Variants in MAN2A1 observed in about 807,000 individuals in gnomAD.
MAN2A1 encodes mannosidase alpha class 2A member 1, also known as alpha-mannosidase 2.
A neutral mutation model predicts 142.6 loss-of-function variants in MAN2A1; 76 were observed. The observed-to-expected ratio is 0.53, with a 90% confidence interval of 0.44 to 0.65. The LOEUF (loss-of-function observed/expected upper bound fraction) is 0.65, where lower values mean the gene tolerates loss of function less well. Ranked by LOEUF, MAN2A1 falls within the 30% of genes least tolerant of loss-of-function variation. MAN2A1 has a pLI of 0.00. For missense variants in MAN2A1, 1,311 were observed against 1,365.1 expected (o/e 0.96, Z 0.62); for synonymous variants, 559 against 473.2 (o/e 1.18, Z -2.35).
At chr5:109,752,539 C>A (rs183261365) in intron 4 of MAN2A1, among the ~76,000 whole-genome samples, 30 of 150,742 alleles carry the variant, frequency 2.0e-4, no homozygotes, top group Non-Finnish European at 4.0e-4. Flanking sequence ...GAGTGGAGAT[C>A]TGACAATGAA....
chr5:109,691,840 A>G (rs1350545741), intron 1 of MAN2A1, among the ~76,000 whole-genome samples: 1 of 152,212 alleles, frequency 6.6e-6, no homozygotes, highest in Non-Finnish European at 1.5e-5. Flanking sequence ...GGCATCTTTA[A>G]ATCTTGAGCT....
intron 5 of MAN2A1, among the ~76,000 whole-genome samples, chr5:109,762,320 T>C (rs3797690): frequency 0.18 from 26,656 of 152,150 alleles, 3,291 homozygotes; most frequent in East Asian, 0.64. Flanking sequence ...AAAAGGTATT[T>C]TGTGTTTCTT....
intron 5 of MAN2A1, 31 bp from the exon 6 acceptor site, chr5:109,767,504 A>G (rs769777224): frequency 6.3e-7 from 1 of 1,584,194 alleles, no homozygotes; most frequent in Non-Finnish European, 8.6e-7. Flanking sequence ...TATCAATTAA[A>G]AAAATTAACA....
chr5:109,817,205 C>CATGTAT, intron 12 of MAN2A1, 68 bp from the exon 13 acceptor site: 2 of 1,289,822 alleles, frequency 1.6e-6, no homozygotes, highest in East Asian at 2.3e-5. Context: ...TGTATATCTA[C>CATGTAT]ATGTATATGT....
At chr5:109,853,871 A>AT (rs1185089675) in intron 19 of MAN2A1, 1 of 152,004 alleles carries the variant, frequency 6.6e-6, no homozygotes, top group East Asian at 1.9e-4. Flanking sequence ...TTCAGACCCG[A>AT]TTTTTTATCA....
chr5:109,843,044 G>T (rs1194497250), intron 17 of MAN2A1, among the ~76,000 whole-genome samples: 1 of 152,064 alleles, frequency 6.6e-6, no homozygotes, highest in South Asian at 2.1e-4. Context: ...GGACTCAAGT[G>T]ATCTGCCCAC....
chr5:109,812,903 A>G (rs1177085249), intron 12 of MAN2A1, among the ~76,000 whole-genome samples: 1 of 152,196 alleles, frequency 6.6e-6, no homozygotes, highest in Non-Finnish European at 1.5e-5. Context: ...ATTCTGTGCT[A>G]GGTACCTATA....
At chr5:109,823,402 A>G (rs1754678526) in intron 15 of MAN2A1, among the ~76,000 whole-genome samples, 1 of 152,192 alleles carries the variant, frequency 6.6e-6, no homozygotes, top group South Asian at 2.1e-4. Context: ...TAACTTCTGT[A>G]GAATGATTGC....
At position 109,690,049 on chromosome 5, in the gene MAN2A1, A is replaced by T; in HGVS notation, c.-369A>T. 1 of 222,654 alleles carries T rather than the reference A, an allele frequency of 4.5e-6. No individual in the cohort carries two copies. Among genetic ancestry groups the T allele is most frequent in the Non-Finnish European group, 9.0e-6 (1 of 110,784 alleles). The allele number at this position is 222,654 out of a possible 1,614,324, so 13.8% of individuals were successfully genotyped here. ...TCGAGAAAACTTTTCCTGCCGACTC[A>T]GTTGGGGCGGCGGTGGCAGGAAGTG... On this transcript the variant is annotated 5_prime_UTR_variant, in exon 1 of 22. Transcript: ENST00000261483.
chr5:109,726,216 T>C (rs947672715), intron 3 of MAN2A1, among the ~76,000 whole-genome samples: 9 of 152,220 alleles, frequency 5.9e-5, no homozygotes, highest in Admixed American at 3.9e-4. Context: ...AATATAATTT[T>C]ATGTCATGAA....
intron 3 of MAN2A1, among the ~76,000 whole-genome samples, chr5:109,722,238 G>A (rs1751624657): frequency 6.6e-6 from 1 of 152,070 alleles, no homozygotes; most frequent in Admixed American, 6.6e-5. Flanking sequence ...TTGCAAAAGT[G>A]GACATCTCAC....
intron 2 of MAN2A1, among the ~76,000 whole-genome samples, chr5:109,714,177 C>CT (rs376535285): frequency 0.39 from 55,387 of 140,506 alleles, 11,283 homozygotes; most frequent in African/African-American, 0.55. Flanking sequence ...TAAGGTTAGA[C>CT]TTTTTTTTTT....
intron 8 of MAN2A1, among the ~76,000 whole-genome samples, chr5:109,776,048 G>A (rs1247362140): frequency 1.4e-5 from 2 of 146,862 alleles, no homozygotes; most frequent in Non-Finnish European, 3.0e-5. Context: ...TGTTTGTGTT[G>A]GGACAACAGG....
At chr5:109,732,595 G>C (rs573027884) in intron 4 of MAN2A1, among the ~76,000 whole-genome samples, 245 of 151,944 alleles carry the variant, frequency 1.6e-3, no homozygotes, top group African/African-American at 5.3e-3. Flanking sequence ...AGCCAGTTTT[G>C]CCAGCACCAT....
chr5:109,704,771 C>T (rs565401430), intron 1 of MAN2A1, among the ~76,000 whole-genome samples: 58 of 152,324 alleles, frequency 3.8e-4, no homozygotes, highest in African/African-American at 1.3e-3. Flanking sequence ...TTTACCAAAT[C>T]GCAGTTCCTA....
intron 12 of MAN2A1, among the ~76,000 whole-genome samples, chr5:109,809,819 T>C (rs1308350540): frequency 6.6e-6 from 1 of 151,776 alleles, no homozygotes; most frequent in Non-Finnish European, 1.5e-5. Flanking sequence ...TATTGTGCTA[T>C]TTTCTCTTTT....
chr5:109,740,632 G>C (rs936832051), intron 4 of MAN2A1, among the ~76,000 whole-genome samples: 4 of 152,276 alleles, frequency 2.6e-5, no homozygotes, highest in African/African-American at 9.6e-5. Flanking sequence ...AGTGCCATGA[G>C]GGCGAAGAGT....
intron 1 of MAN2A1, among the ~76,000 whole-genome samples, chr5:109,706,125 T>C (rs978117928): frequency 2.6e-5 from 4 of 152,216 alleles, no homozygotes; most frequent in African/African-American, 9.6e-5. Context: ...ATATACTAAC[T>C]AATCCTCATA....
In MAN2A1 at chr5:109,765,164, T is replaced by C. The variant is rs182082809; in HGVS notation, c.836-2371T>C. Among the ~76,000 whole-genome samples the C allele has an allele frequency of 5.7e-4, 86 of 152,172 alleles. No homozygotes were observed. The East Asian group carries it at 0.015, about 27-fold the overall frequency. On this transcript the variant is annotated intron_variant, in intron 5 of 21. Transcript: ENST00000261483. ...TAATGTCTTTTATAAAAGCCGCTTT[T>C]CCCCCCACCCAGTCAAGAATGGAAT...
Sources: allele counts gnomAD v4.1 joint callset (sites outside exome capture counted in the v4.1 genomes callset), GRCh38; gene constraint gnomAD v4.1.1; transcripts MANE v1.5; gene names NCBI Gene and HGNC (gene_info 2026-07-23, HGNC 2026-07-21).